CNTN4: variants seen among roughly 807,000 people sequenced by gnomAD.
The protein encoded by CNTN4 is contactin 4.
In CNTN4, 77 loss-of-function variants were observed where a neutral mutation model predicts 122.5. The observed-to-expected ratio is 0.63, with a 90% CI of 0.52 to 0.76. The LOEUF (loss-of-function observed/expected upper bound fraction) is 0.76. CNTN4 is among the 30% of genes least tolerant of loss of function. The pLI is 0.00. For missense variants in CNTN4, 1,256 were observed against 1,259.1 expected (o/e 1.00, Z 0.04); for synonymous variants, 512 against 447.0 (o/e 1.15, Z -1.83).
At chr3:2,878,197 T>G (rs937543518) in intron 8 of CNTN4, among the ~76,000 whole-genome samples, 1 of 152,192 alleles carries the variant, frequency 6.6e-6, no homozygotes, top group East Asian at 1.9e-4. Flanking sequence ...GCCATAAATA[T>G]GGATCACTGT....
chr3:2,835,320 A>G (rs999891030), intron 7 of CNTN4, among the ~76,000 whole-genome samples: 1 of 152,212 alleles, frequency 6.6e-6, no homozygotes, highest in Admixed American at 6.5e-5. Flanking sequence ...AAGTTTGGGA[A>G]TACAAGGAGA....
chr3:2,271,901 C>A (rs1295957947), intron 2 of CNTN4, among the ~76,000 whole-genome samples: 2 of 151,952 alleles, frequency 1.3e-5, no homozygotes, highest in African/African-American at 2.4e-5. Flanking sequence ...GTTAAGGGAC[C>A]AAGACATTAT....
chr3:2,691,443 T>C (rs2085734078), intron 4 of CNTN4, among the ~76,000 whole-genome samples: 1 of 152,052 alleles, frequency 6.6e-6, no homozygotes, highest in Admixed American at 6.6e-5. Flanking sequence ...AAGATTCAGT[T>C]TTACTCCCAA....
At chr3:2,508,043 A>G (rs540845407) in intron 3 of CNTN4, among the ~76,000 whole-genome samples, 12 of 152,268 alleles carry the variant, frequency 7.9e-5, no homozygotes, top group African/African-American at 2.2e-4. Flanking sequence ...TATTTTCTCC[A>G]CAGACTGTTT....
intron 3 of CNTN4, among the ~76,000 whole-genome samples, chr3:2,464,527 G>C (rs2075429458): frequency 1.3e-5 from 2 of 152,226 alleles, no homozygotes; most frequent in Non-Finnish European, 2.9e-5. Context: ...GAGGGAGGAA[G>C]AGGAGTGACT....
chr3:2,529,309 A>G (rs1486305984), intron 3 of CNTN4, among the ~76,000 whole-genome samples: 9 of 152,178 alleles, frequency 5.9e-5, no homozygotes, highest in Non-Finnish European at 1.3e-4. Context: ...GCTGAATAGT[A>G]TTCCATTATG....
At chr3:2,310,219 C>G (rs1030114945) in intron 2 of CNTN4, among the ~76,000 whole-genome samples, 1 of 152,038 alleles carries the variant, frequency 6.6e-6, no homozygotes, top group African/African-American at 2.4e-5. Flanking sequence ...TAGCCCTCAA[C>G]TAATTTATTG....
intron 3 of CNTN4, among the ~76,000 whole-genome samples, chr3:2,542,821 G>C (rs1373916986): frequency 1.3e-5 from 2 of 152,064 alleles, no homozygotes; most frequent in African/African-American, 4.8e-5. Flanking sequence ...GGGCCAGATA[G>C]TGGATCCATA....
chr3:2,122,209 T>C (rs1036752918), intron 2 of CNTN4, among the ~76,000 whole-genome samples: 1 of 152,170 alleles, frequency 6.6e-6, no homozygotes. Context: ...GATTGTGCAT[T>C]TTAATAGTAT....
chr3:2,317,811 G>C (rs547361037), intron 2 of CNTN4, among the ~76,000 whole-genome samples: 2 of 152,276 alleles, frequency 1.3e-5, no homozygotes, highest in South Asian at 4.1e-4. Flanking sequence ...TGATGTGCTA[G>C]AACTCAGAGT....
intron 4 of CNTN4, among the ~76,000 whole-genome samples, chr3:2,670,463 C>T (rs1375800846): frequency 6.6e-6 from 1 of 152,096 alleles, no homozygotes; most frequent in African/African-American, 2.4e-5. Flanking sequence ...TTCCTCCATC[C>T]CTTTACTTTG....
chr3:2,407,615 T>C (rs1362351207), intron 3 of CNTN4, among the ~76,000 whole-genome samples: 3 of 152,210 alleles, frequency 2.0e-5, no homozygotes, highest in African/African-American at 7.2e-5. Context: ...CCTGACCACA[T>C]ACTTCGTACT....
At chr3:2,181,440 T>C (rs763383917) in intron 2 of CNTN4, among the ~76,000 whole-genome samples, 1 of 152,036 alleles carries the variant, frequency 6.6e-6, no homozygotes, top group Non-Finnish European at 1.5e-5. Context: ...CAGTAGAACG[T>C]ATCAAACGCC....
At chr3:2,672,367 C>T (rs544847262) in intron 4 of CNTN4, among the ~76,000 whole-genome samples, 2 of 152,246 alleles carry the variant, frequency 1.3e-5, no homozygotes, top group East Asian at 1.9e-4. Flanking sequence ...CTCAGACTGC[C>T]GTGCTAGCAA....
At chr3:2,143,580 C>G (rs2035106522) in intron 2 of CNTN4, among the ~76,000 whole-genome samples, 1 of 152,172 alleles carries the variant, frequency 6.6e-6, no homozygotes, top group Non-Finnish European at 1.5e-5. Context: ...TGTCTAAATT[C>G]TTGCTCCTCT....
chr3:2,536,132 G>T (rs188047764), intron 3 of CNTN4, among the ~76,000 whole-genome samples: 122 of 152,240 alleles, frequency 8.0e-4, no homozygotes, highest in Non-Finnish European at 1.5e-3. Context: ...AATAGGCAGG[G>T]ATTTAAGGGT....
intron 6 of CNTN4, among the ~76,000 whole-genome samples, chr3:2,751,951 G>T (rs1490086855): frequency 6.6e-6 from 1 of 151,982 alleles, no homozygotes; most frequent in South Asian, 2.1e-4. Context: ...TATGTGTCCT[G>T]TGTCTCTAGA....
intron 2 of CNTN4, among the ~76,000 whole-genome samples, chr3:2,198,441 A>G (rs1037879671): frequency 1.3e-5 from 2 of 152,126 alleles, no homozygotes; most frequent in African/African-American, 4.8e-5. Context: ...GATGATTTTT[A>G]CTAACTTTAC....
rs187098405 is a variant in CNTN4 at position 2,236,790 on chromosome 3, G to A, written c.-144-102388G>A. Among the ~76,000 whole-genome samples, 22 of 152,262 alleles carry A rather than the reference G, an allele frequency of 1.4e-4. No individual in the cohort carries two copies. The East Asian group carries it at 3.9e-3, about 27-fold the overall frequency. On this transcript the variant is annotated intron_variant, in intron 2 of 24. Transcript: ENST00000418658. ...ATCAGGATGCCACTCTCATTTGGTG[G>A]GCAGTTAAGGCTGCAGTCACAAATC...
Sources: allele counts gnomAD v4.1 joint callset (sites outside exome capture counted in the v4.1 genomes callset), GRCh38; gene constraint gnomAD v4.1.1; transcripts MANE v1.5; gene names NCBI Gene and HGNC (gene_info 2026-07-23, HGNC 2026-07-21).